The following GIT1 variants were observed in gnomAD, a reference collection of about 807,000 sequenced individuals.
The protein encoded by GIT1 is GIT ArfGAP 1.
Under a neutral mutation model 91.7 loss-of-function variants are expected in GIT1, and 14 were observed. That is an observed-to-expected ratio of 0.15 (90% confidence interval 0.10 to 0.24). The LOEUF (loss-of-function observed/expected upper bound fraction) is 0.24, where lower values mean the gene tolerates loss of function less well. Ranked by LOEUF, GIT1 falls within the 10% of genes least tolerant of loss-of-function variation. GIT1 has a pLI of 1.00. For missense variants in GIT1, 717 were observed against 1,024.9 expected, an observed-to-expected ratio of 0.70 and a Z score of 4.10; for synonymous variants, 414 against 418.2, an observed-to-expected ratio of 0.99 and a Z score of 0.12.
At chr17:29,583,665 C>T in intron 1 of GIT1, 49 bp from the exon 2 acceptor site, 1 of 1,534,202 alleles carries the variant, frequency 6.5e-7, no homozygotes, top group East Asian at 2.4e-5. Flanking sequence ...ATGGGCCAGA[C>T]CTCCTGAGCA....
chr17:29,579,139 G>A (rs566855137), intron 7 of GIT1: 29 of 676,618 alleles, frequency 4.3e-5, no homozygotes, highest in South Asian at 4.2e-4. Context: ...ATCTCACCGC[G>A]TCCCCCACCC....
chr17:29,577,706 G>A lies in GIT1; in HGVS notation c.920C>T (p.Thr307Ile). ...CAGGAAGGGCACGGCACTGCGCTCT[G>A]TCACCAGAGTGCTGTGGTTTTGGGT... ...LATQNHSTLV[T>I]ERSAVPFLPV... The change falls in exon 10 of 20, where the codon ACA becomes ATA. Residue 307 changes from threonine to isoleucine, a missense_variant. Thr to Ile is a moderately conservative substitution (Grantham distance 89). Coordinates refer to ENST00000225394, the MANE Select transcript of GIT1 (RefSeq NM_014030.4). 2 of 1,612,674 alleles carry A rather than the reference G, an allele frequency of 1.2e-6. No homozygotes were observed. Among genetic ancestry groups the A allele is most frequent in the Non-Finnish European group, 1.7e-6 (2 of 1,178,906 alleles).
At position 29,585,829 on chromosome 17, in the gene GIT1, C is replaced by G. The variant is rs908292701; in HGVS notation, c.53-2213G>C. ...GGACAGGAACTGTAAGGGAACTCGT[C>G]AGCCCTCCCCCTGCGCTTCTGGCTC... is the stretch of plus-strand genomic sequence containing the variant. On this transcript the variant is annotated intron_variant, in intron 1 of 19. Coordinates refer to ENST00000225394, the MANE Select transcript of GIT1 (RefSeq NM_014030.4). 2.0e-5 allele frequency among the ~76,000 whole-genome samples: 3 copies of G among 152,316 alleles called. No individual in the cohort carries two copies. In the South Asian group the frequency reaches 6.2e-4, roughly 32 times the overall value.
intron 1 of GIT1, among the ~76,000 whole-genome samples, chr17:29,586,891 C>T (rs1378734954): frequency 6.6e-6 from 1 of 152,300 alleles, no homozygotes; most frequent in Admixed American, 6.5e-5. Flanking sequence ...GACGAGGTGG[C>T]ACAAGCTGCC....
At position 29,581,965 on chromosome 17, in the gene GIT1, G is replaced by A. The variant is rs776000540; in HGVS notation, c.585C>T (p.Ser195=). 9 of 1,612,942 alleles carry A rather than the reference G, an allele frequency of 5.6e-6. No individual in the cohort carries two copies. In the East Asian group the frequency reaches 2.0e-4, roughly 36 times the overall value. Reference sequence around the variant, plus strand: ...TGGGTGTGCGGCCATTAACATCAGGGGAGCCAGGGTCAGCCCCATACACTA... The same window carrying A: ...TGGGTGTGCGGCCATTAACATCAGGAGAGCCAGGGTCAGCCCCATACACTA... ...LLVVYGADPG[S]PDVNGRTPID... Residue 195 remains serine (S), a synonymous_variant, in exon 5 of 20, where the codon TCC becomes TCT. Transcript: ENST00000225394. The surrounding 1 kb of genome is among the most constrained non-coding windows in gnomAD (Gnocchi z 4.8).
chr17:29,576,141 T>C lies in GIT1; in HGVS notation c.1612-10A>G, dbSNP rs759547659. The C allele has an allele frequency of 1.2e-6, 2 of 1,613,604 alleles. No homozygotes were observed. The highest frequency in any genetic ancestry group is 1.7e-6 in the Non-Finnish European group (2 of 1,179,840). Reference sequence around the variant, plus strand: ...CGTCGTCCTCTAGCTCCTGGGGATGTTAGCACAGCGAGCGTCATGGTGGAC... The same window carrying C: ...CGTCGTCCTCTAGCTCCTGGGGATGCTAGCACAGCGAGCGTCATGGTGGAC... On this transcript the variant is annotated splice_polypyrimidine_tract_variant and intron_variant, in intron 14 of 19. Transcript: ENST00000225394.
chr17:29,575,824 T>A lies in GIT1; in HGVS notation c.1740A>T (p.Gly580=). ...ATGGAAACATTACCGTGTGGCGGCTTCCCTCCTGGGAGCAGGACAGCAGCG... is the reference window on the plus strand; with the variant it reads ...ATGGAAACATTACCGTGTGGCGGCTACCCTCCTGGGAGCAGGACAGCAGCG... ...SSPLLSCSQE[G]SRHTSKLSRH... is the part of the protein sequence containing the mutation. Residue 580 remains glycine, a synonymous_variant, in exon 16 of 20, where the codon GGA becomes GGT. Coordinates refer to ENST00000225394, the MANE Select transcript of GIT1 (RefSeq NM_014030.4). This position sits in a 1 kb window ranked among gnomAD's most constrained non-coding sequence, Gnocchi z 5.5. The A allele has an allele frequency of 1.2e-6, 2 of 1,612,698 alleles. No individual in the cohort carries two copies. The highest frequency in any genetic ancestry group is 1.7e-6 in the Non-Finnish European group (2 of 1,179,440).
intron 9 of GIT1, 90 bp downstream of exon 9, chr17:29,578,208 AG>A: frequency 9.4e-7 from 1 of 1,069,222 alleles, no homozygotes; most frequent in South Asian, 1.3e-5. Context: ...CCCCAACCCC[AG>A]GCACCCCTTC....
rs566057315 is a variant in GIT1, at chr17:29,583,467, C to G, written c.186+16G>C. On this transcript the variant is annotated intron_variant, in intron 2 of 19. Transcript: ENST00000225394. ...TGCCTGAGGGGAAGGAAGAACCACC[C>G]GACTGAGCCCTGTACCTGCAGCAGC... The G allele has an allele frequency of 1.2e-6, 2 of 1,609,810 alleles. No homozygotes were observed. The highest frequency in any genetic ancestry group is 8.5e-7 in the Non-Finnish European group (1 of 1,179,146).
chr17:29,586,665 C>T (rs1361233102), intron 1 of GIT1, among the ~76,000 whole-genome samples: 1 of 152,214 alleles, frequency 6.6e-6, no homozygotes, highest in African/African-American at 2.4e-5. Flanking sequence ...GAGATACCTA[C>T]AGGACAGGCA....
At position 29,575,554 on chromosome 17, in the gene GIT1, TCACA is replaced by T. The variant is rs926261147; in HGVS notation, c.1826+72_1826+75del. The T allele has an allele frequency of 6.4e-7, 1 of 1,560,540 alleles. No homozygotes were observed. Among genetic ancestry groups the T allele is most frequent in the East Asian group, 2.3e-5 (1 of 44,362 alleles). ...GCCTCGGAGCCGCCCGCCTTGGTCC[TCACA>T]CACTGGGGGCCCTCTCAACCTCCCC... On this transcript the variant is annotated intron_variant, in intron 17 of 19. Transcript: ENST00000225394. The surrounding 1 kb of genome is among the most constrained non-coding windows in gnomAD (Gnocchi z 5.5).
chr17:29,574,451 G>C lies in GIT1; in HGVS notation c.*251C>G, dbSNP rs940586687. The C allele has an allele frequency of 1.3e-5, 7 of 546,220 alleles. No individual in the cohort carries two copies. Among genetic ancestry groups the C allele is most frequent in the Non-Finnish European group, 2.3e-5 (7 of 302,484 alleles). The allele number at this position is 546,220 out of a possible 1,614,324, so 33.8% of individuals were successfully genotyped here. ...ATGCCTTGCAGGCCCCTGCTCACTA[G>C]GAGGGGGGAGATGCTATATACAGAG... On this transcript the variant is annotated 3_prime_UTR_variant, in exon 20 of 20. Coordinates refer to ENST00000225394, the MANE Select transcript of GIT1 (RefSeq NM_014030.4).
chr17:29,575,026 C>T lies in GIT1; in HGVS notation c.2073+53G>A, dbSNP rs776409785. On this transcript the variant is annotated intron_variant, in intron 19 of 19. Coordinates refer to ENST00000225394, the MANE Select transcript of GIT1 (RefSeq NM_014030.4). This position sits in a 1 kb window ranked among gnomAD's most constrained non-coding sequence, Gnocchi z 5.5. Reference sequence around the variant, plus strand: ...TAGCGATCAGATGGGATTCTCCACGCCTGCCCCAGCTCGAGGCCCTCCCAC... The same window carrying T: ...TAGCGATCAGATGGGATTCTCCACGTCTGCCCCAGCTCGAGGCCCTCCCAC... 6.7e-7 allele frequency: 1 copy of T among 1,497,606 alleles called. No individual in the cohort carries two copies. Among genetic ancestry groups the T allele is most frequent in the Admixed American group, 1.9e-5 (1 of 53,652 alleles). The allele number at this position is 1,497,606 out of a possible 1,614,324, so 92.8% of individuals were successfully genotyped here. A position where few individuals can be genotyped will look rare whatever the true frequency, so the allele number is the denominator to read the frequency against.
At chr17:29,583,722 A>G (rs1943552103) in intron 1 of GIT1, 106 bp from the exon 2 acceptor site, 3 of 1,259,790 alleles carry the variant, frequency 2.4e-6, no homozygotes, top group Non-Finnish European at 3.2e-6. Flanking sequence ...ACATTCACTC[A>G]CTCAGTCTCC....
At position 29,574,578 on chromosome 17, in the gene GIT1, A is replaced by G. The variant is rs1280107862; in HGVS notation, c.*124T>C. On this transcript the variant is annotated 3_prime_UTR_variant, in exon 20 of 20. Transcript: ENST00000225394. ...GCACCAGGGCACCTGGCTGCCAGGG[A>G]GTGTGGCAGCACTAAGGGCACTTGT... 3 of 847,662 alleles carry G rather than the reference A, an allele frequency of 3.5e-6. No individual in the cohort carries two copies. Among genetic ancestry groups the G allele is most frequent in the Non-Finnish European group, 5.9e-6 (3 of 506,610 alleles). The allele number at this position is 847,662 out of a possible 1,614,324, so 52.5% of individuals were successfully genotyped here. A position where few individuals can be genotyped will look rare whatever the true frequency, so the allele number is the denominator to read the frequency against.
In GIT1 at chr17:29,581,956, A is replaced by T. The variant is rs984752127; in HGVS notation, c.594T>A (p.Val198=). 1 of 1,612,668 alleles carries T rather than the reference A, an allele frequency of 6.2e-7. No individual in the cohort carries two copies. Among genetic ancestry groups the T allele is most frequent in the Admixed American group, 1.7e-5 (1 of 60,010 alleles). The change falls in exon 5 of 20, where the codon GTT becomes GTA. Residue 198 remains valine (V), a synonymous_variant. Coordinates refer to ENST00000225394, the MANE Select transcript of GIT1 (RefSeq NM_014030.4). The surrounding 1 kb of genome is among the most constrained non-coding windows in gnomAD (Gnocchi z 4.8). ...VYGADPGSPD[V]NGRTPIDYAR... Reference sequence around the variant, plus strand: ...CATAGTCAATGGGTGTGCGGCCATTAACATCAGGGGAGCCAGGGTCAGCCC... The same window carrying T: ...CATAGTCAATGGGTGTGCGGCCATTTACATCAGGGGAGCCAGGGTCAGCCC...
At chr17:29,587,878 G>A (rs1369955353) in intron 1 of GIT1, among the ~76,000 whole-genome samples, 1 of 152,130 alleles carries the variant, frequency 6.6e-6, no homozygotes, top group Non-Finnish European at 1.5e-5. Context: ...GAACAGTGGG[G>A]AGACATTTAT....
intron 7 of GIT1, among the ~76,000 whole-genome samples, chr17:29,579,577 C>T (rs1004520472): frequency 6.6e-6 from 1 of 152,090 alleles, no homozygotes; most frequent in Non-Finnish European, 1.5e-5. Context: ...GATACAAAAG[C>T]AATTTAAAAA....
At position 29,577,736 on chromosome 17, in the gene GIT1, A is replaced by G. The variant is rs2033263679; in HGVS notation, c.890T>C (p.Leu297Pro). The G allele has an allele frequency of 6.2e-7, 1 of 1,605,306 alleles. No individual in the cohort carries two copies. Among genetic ancestry groups the G allele is most frequent in the Non-Finnish European group, 8.5e-7 (1 of 1,172,142 alleles). ...VDRRENDAVW[L>P]ATQNHSTLVT... ...CAGAGTGCTGTGGTTTTGGGTAGCC[A>G]GCCACACTGTAGGGGACGGACAGGA... The change falls in exon 10 of 20, where the codon CTG becomes CCG. Residue 297 changes from leucine to proline, a missense_variant. Coordinates refer to ENST00000225394, the MANE Select transcript of GIT1 (RefSeq NM_014030.4).
Sources: allele counts gnomAD v4.1 joint callset (sites outside exome capture counted in the v4.1 genomes callset), GRCh38; gene constraint gnomAD v4.1.1; non-coding constraint Gnocchi (gnomAD v3.1); transcripts MANE v1.5; gene names NCBI Gene and HGNC (gene_info 2026-07-23, HGNC 2026-07-21).